The following NKAIN3 variants were observed in gnomAD, a reference collection of about 807,000 sequenced individuals.
The protein encoded by NKAIN3 is sodium/potassium-transporting ATPase subunit beta-1-interacting protein 3.
In NKAIN3, 25 loss-of-function variants were observed where a neutral mutation model predicts 30.2. The ratio of observed to expected loss-of-function variants is 0.83; its 90% CI spans 0.60 to 1.16. NKAIN3 has a LOEUF of 1.16. Among genes scored for constraint, NKAIN3 ranks in the 50% most tolerant of loss-of-function variants. NKAIN3 has a pLI of 0.00. For missense variants in NKAIN3, 225 were observed against 254.1 expected, an observed-to-expected ratio of 0.89 and a Z score of 0.78; for synonymous variants, 91 against 89.6, an observed-to-expected ratio of 1.02 and a Z score of -0.09.
chr8:62,585,611 C>T (rs1810446243), intron 2 of NKAIN3, among the ~76,000 whole-genome samples: 1 of 152,110 alleles, frequency 6.6e-6, no homozygotes, highest in Non-Finnish European at 1.5e-5. Context: ...CAGCCTAGAT[C>T]CCTCGCATGG....
At chr8:62,821,623 T>A (rs1487044262) in intron 4 of NKAIN3, among the ~76,000 whole-genome samples, 1 of 152,124 alleles carries the variant, frequency 6.6e-6, no homozygotes, top group African/African-American at 2.4e-5. Flanking sequence ...CTAAATCATA[T>A]ACTGAAAGTA....
intron 1 of NKAIN3, among the ~76,000 whole-genome samples, chr8:62,442,703 A>T (rs1805364540): frequency 6.6e-6 from 1 of 151,628 alleles, no homozygotes; most frequent in African/African-American, 2.4e-5. Context: ...GGTCTGATAG[A>T]TCCATTGAAA....
At chr8:62,280,351 T>C (rs917384809) in intron 1 of NKAIN3, among the ~76,000 whole-genome samples, 3 of 152,186 alleles carry the variant, frequency 2.0e-5, no homozygotes, top group Admixed American at 6.5e-5. Flanking sequence ...CTTTTCCTAA[T>C]TGCATATCCT....
intron 1 of NKAIN3, among the ~76,000 whole-genome samples, chr8:62,265,677 C>T (rs567816649): frequency 6.6e-6 from 1 of 152,248 alleles, no homozygotes; most frequent in Admixed American, 6.5e-5. Context: ...GAAGTAGAAT[C>T]GCTGGAAAGC....
At chr8:62,342,280 A>G (rs1387211257) in intron 1 of NKAIN3, among the ~76,000 whole-genome samples, 1 of 151,738 alleles carries the variant, frequency 6.6e-6, no homozygotes, top group Non-Finnish European at 1.5e-5. Context: ...AAGGAAAAGA[A>G]GAAAAGAAAA....
chr8:62,341,353 G>A lies in NKAIN3; in HGVS notation c.54+92226G>A, dbSNP rs185920104. On this transcript the variant is annotated intron_variant, in intron 1 of 6. Transcript: ENST00000623646. ...CCCATACTGTTGGCATCTGAGCTTG[G>A]ATGACATGTTAACGATAACAGTTAG... Among the ~76,000 whole-genome samples the A allele has an allele frequency of 3.6e-3, 542 of 152,140 alleles. 1 individual carries two copies. Among genetic ancestry groups the A allele is most frequent in the Non-Finnish European group, 5.8e-3 (397 of 67,968 alleles).
intron 3 of NKAIN3, among the ~76,000 whole-genome samples, chr8:62,627,578 G>A (rs1295345288): frequency 6.6e-6 from 1 of 152,124 alleles, no homozygotes; most frequent in Non-Finnish European, 1.5e-5. Context: ...TTGAAATGTG[G>A]CTGATGCAAG....
intron 4 of NKAIN3, among the ~76,000 whole-genome samples, chr8:62,749,180 T>C (rs563996352): frequency 6.6e-6 from 1 of 152,318 alleles, no homozygotes; most frequent in South Asian, 2.1e-4. Context: ...TGTGGAATGA[T>C]AGCATGGCCA....
At chr8:62,385,395 T>C (rs931908562) in intron 1 of NKAIN3, among the ~76,000 whole-genome samples, 1 of 152,204 alleles carries the variant, frequency 6.6e-6, no homozygotes, top group Non-Finnish European at 1.5e-5. Flanking sequence ...GGAGAAATGA[T>C]GATTACTTAA....
intron 4 of NKAIN3, among the ~76,000 whole-genome samples, chr8:62,803,645 G>T (rs890488406): frequency 5.3e-5 from 8 of 152,186 alleles, no homozygotes; most frequent in Non-Finnish European, 1.0e-4. Flanking sequence ...AGCACTAAAT[G>T]CCTGCAAGAG....
intron 4 of NKAIN3, among the ~76,000 whole-genome samples, chr8:62,852,479 T>C (rs1198345175): frequency 1.3e-5 from 2 of 152,202 alleles, no homozygotes; most frequent in Admixed American, 1.3e-4. Context: ...TCTTAGTTAT[T>C]TCTTGTCTTC....
rs532133956 is a variant in NKAIN3 at position 62,408,121 on chromosome 8, A to G, written c.54+158994A>G. ...CATCTGCTTCATTTATTTTCACCAC[A>G]TATTTTAGATATTATTTTTTCCCAT... On this transcript the variant is annotated intron_variant, in intron 1 of 6. Transcript: ENST00000623646. Among the ~76,000 whole-genome samples the G allele has an allele frequency of 3.9e-5, 6 of 152,286 alleles. No individual in the cohort carries two copies. In the South Asian group the frequency reaches 1.0e-3, roughly 26 times the overall value.
chr8:62,782,529 A>G (rs1409918181), intron 4 of NKAIN3, among the ~76,000 whole-genome samples: 1 of 152,016 alleles, frequency 6.6e-6, no homozygotes, highest in African/African-American at 2.4e-5. Context: ...CTAGGTGTCC[A>G]TCAATGGATG....
intron 1 of NKAIN3, among the ~76,000 whole-genome samples, chr8:62,462,650 C>T (rs1319461612): frequency 6.6e-6 from 1 of 152,076 alleles, no homozygotes; most frequent in East Asian, 1.9e-4. Flanking sequence ...ATCTGGGAAC[C>T]ATGAGGCAAC....
At position 62,568,840 on chromosome 8, in the gene NKAIN3, A is replaced by T. The variant is rs1054390854; in HGVS notation, c.55-10699A>T. Among the ~76,000 whole-genome samples, 20 of 152,194 alleles carry T rather than the reference A, an allele frequency of 1.3e-4. 1 individual carries two copies. Among genetic ancestry groups the T allele is most frequent in the Admixed American group, 1.0e-3 (16 of 15,276 alleles). ...AAACACATATAAACAGAATTCAAGT[A>T]GCCTTTTCAAATATTCTGGAGACAA... On this transcript the variant is annotated intron_variant, in intron 1 of 6. Transcript: ENST00000623646.
chr8:62,750,029 C>T (rs1321767753), intron 4 of NKAIN3, among the ~76,000 whole-genome samples: 2 of 151,940 alleles, frequency 1.3e-5, no homozygotes, highest in African/African-American at 4.8e-5. Context: ...CTTCTTGTTG[C>T]CCAATATGTG....
chr8:62,666,482 G>A (rs1813105866), intron 3 of NKAIN3, among the ~76,000 whole-genome samples: 2 of 151,984 alleles, frequency 1.3e-5, no homozygotes, highest in African/African-American at 4.8e-5. Flanking sequence ...AGAGATATTG[G>A]GCAGTGCATT....
chr8:62,489,039 G>A (rs893091042), intron 1 of NKAIN3, among the ~76,000 whole-genome samples: 1 of 152,038 alleles, frequency 6.6e-6, no homozygotes, highest in Non-Finnish European at 1.5e-5. Context: ...TGTTTAATTT[G>A]AAATTTTAAA....
At chr8:62,789,166 C>G in intron 4 of NKAIN3, among the ~76,000 whole-genome samples, 1 of 152,068 alleles carries the variant, frequency 6.6e-6, no homozygotes, top group Non-Finnish European at 1.5e-5. Context: ...TACCCATGAG[C>G]ATGGAATGTT....
Sources: allele counts gnomAD v4.1 joint callset (sites outside exome capture counted in the v4.1 genomes callset), GRCh38; gene constraint gnomAD v4.1.1; transcripts MANE v1.5; gene names NCBI Gene and HGNC (gene_info 2026-07-23, HGNC 2026-07-21).